Variants in ATP9B observed in about 807,000 individuals in gnomAD.
ATP9B encodes the protein probable phospholipid-transporting ATPase IIB.
A neutral mutation model predicts 146.1 loss-of-function variants in ATP9B; 110 were observed. That is an observed-to-expected ratio of 0.75 (90% CI 0.65 to 0.88). ATP9B has a LOEUF of 0.88. ATP9B is among the 40% of genes least tolerant of loss of function. The pLI is 0.00. For synonymous variants in ATP9B, 604 were observed against 569.7 expected (o/e 1.06, Z -0.86); for missense variants, 1,499 against 1,496.4 (o/e 1.00, Z -0.03).
At chr18:79,176,590 T>TA (rs909103372) in intron 7 of ATP9B, among the ~76,000 whole-genome samples, 2 of 152,180 alleles carry the variant, frequency 1.3e-5, no homozygotes, top group African/African-American at 4.8e-5. Context: ...ATAAGTGATT[T>TA]AAAAAAATAT....
At chr18:79,297,575 T>G (rs946584808) in intron 13 of ATP9B, among the ~76,000 whole-genome samples, 5 of 152,258 alleles carry the variant, frequency 3.3e-5, no homozygotes, top group Admixed American at 6.5e-5. Flanking sequence ...TGACTGTCTA[T>G]GTGGGTGTCC....
At chr18:79,143,961 A>G in intron 6 of ATP9B, 101 bp downstream of exon 6, 1 of 650,878 alleles carries the variant, frequency 1.5e-6, no homozygotes, top group Non-Finnish European at 2.5e-6. Flanking sequence ...TGAGACATGT[A>G]TTTTGAATCA....
chr18:79,345,767 C>G lies in ATP9B; in HGVS notation c.2618-8C>G, dbSNP rs2096882794. Reference sequence around the variant, plus strand: ...GTTTTATTTCATCTCACTTTTCTTGCTTCGCAGGTGATGGAGGAAATGATG... The same window carrying G: ...GTTTTATTTCATCTCACTTTTCTTGGTTCGCAGGTGATGGAGGAAATGATG... On this transcript the variant is annotated splice_region_variant and splice_polypyrimidine_tract_variant and intron_variant, in intron 22 of 29. Coordinates refer to ENST00000426216, the MANE Select transcript of ATP9B (RefSeq NM_198531.5). 5 of 1,614,218 alleles carry G rather than the reference C, an allele frequency of 3.1e-6. No homozygotes were observed. The East Asian group carries it at 1.1e-4, about 36-fold the overall frequency.
At chr18:79,192,756 T>C (rs1299870888) in intron 8 of ATP9B, among the ~76,000 whole-genome samples, 1 of 152,208 alleles carries the variant, frequency 6.6e-6, no homozygotes, top group East Asian at 1.9e-4. Flanking sequence ...AGTGCCTGCT[T>C]GAATGAAAGC....
intron 13 of ATP9B, among the ~76,000 whole-genome samples, chr18:79,298,719 G>T (rs1448449297): frequency 6.8e-6 from 1 of 146,560 alleles, no homozygotes; most frequent in African/African-American, 2.5e-5. Context: ...GTGGTATTGG[G>T]GGATTTTTCA....
At chr18:79,368,060 G>A (rs976057177) in intron 26 of ATP9B, among the ~76,000 whole-genome samples, 1 of 152,162 alleles carries the variant, frequency 6.6e-6, no homozygotes, top group African/African-American at 2.4e-5. Flanking sequence ...GTCGCCCTGG[G>A]TGGGCTGGAG....
At chr18:79,195,373 A>G (rs2095408682) in intron 9 of ATP9B, among the ~76,000 whole-genome samples, 1 of 152,148 alleles carries the variant, frequency 6.6e-6, no homozygotes, top group African/African-American at 2.4e-5. Flanking sequence ...TCAGCCTTCT[A>G]AAGGGTCGGG....
At chr18:79,158,529 G>A (rs544545884) in intron 7 of ATP9B, among the ~76,000 whole-genome samples, 4 of 152,164 alleles carry the variant, frequency 2.6e-5, no homozygotes, top group South Asian at 2.1e-4. Context: ...CTGGCCTCAC[G>A]TGATCCTCCC....
chr18:79,077,269 T>C (rs1411788030), intron 1 of ATP9B, among the ~76,000 whole-genome samples: 1 of 152,056 alleles, frequency 6.6e-6, no homozygotes, highest in Non-Finnish European at 1.5e-5. Context: ...CTGGTGGTGG[T>C]GGGAGTGGAA....
At chr18:79,109,579 T>C (rs2075868318) in intron 2 of ATP9B, among the ~76,000 whole-genome samples, 1 of 151,698 alleles carries the variant, frequency 6.6e-6, no homozygotes, top group African/African-American at 2.4e-5. Flanking sequence ...TTTTTTTTTT[T>C]TTTTAAGATG....
Position 79,111,034 on chromosome 18 carries a change from C to T in ATP9B, c.444+529C>T, listed in dbSNP as rs1046599618. Among the ~76,000 whole-genome samples, 16 of 152,004 alleles carry T rather than the reference C, an allele frequency of 1.1e-4. No individual in the cohort carries two copies. In the East Asian group the frequency reaches 1.7e-3, roughly 16 times the overall value. ...CTCAGACCTTCTTATATTGTTATATCGTTAGTTATCTTTAATTGGGTATTA... is the reference window on the plus strand; with the variant it reads ...CTCAGACCTTCTTATATTGTTATATTGTTAGTTATCTTTAATTGGGTATTA... On this transcript the variant is annotated intron_variant, in intron 3 of 29. Transcript: ENST00000426216.
chr18:79,316,768 A>G (rs1310409960), intron 15 of ATP9B, among the ~76,000 whole-genome samples: 1 of 152,244 alleles, frequency 6.6e-6, no homozygotes, highest in African/African-American at 2.4e-5. Flanking sequence ...ACCAAAGGAA[A>G]GTGGGAGGAA....
intron 17 of ATP9B, among the ~76,000 whole-genome samples, chr18:79,331,043 G>T (rs1323842577): frequency 2.6e-5 from 4 of 152,226 alleles, no homozygotes; most frequent in African/African-American, 9.6e-5. Flanking sequence ...AATAGGATTT[G>T]TAGGTAGCCT....
intron 7 of ATP9B, among the ~76,000 whole-genome samples, chr18:79,160,785 CTT>C (rs1258747182): frequency 6.6e-6 from 1 of 150,564 alleles, no homozygotes; most frequent in Admixed American, 6.6e-5. Flanking sequence ...TGTTTTTTCT[CTT>C]TTTGGAGGAG....
At chr18:79,150,527 TAGG>T (rs1232656948) in intron 6 of ATP9B, among the ~76,000 whole-genome samples, 2 of 152,248 alleles carry the variant, frequency 1.3e-5, no homozygotes, top group South Asian at 2.1e-4. Context: ...CATGTGGTGT[TAGG>T]AGAACACAGG....
At chr18:79,200,489 C>T (rs1467499756) in intron 9 of ATP9B, among the ~76,000 whole-genome samples, 4 of 152,130 alleles carry the variant, frequency 2.6e-5, no homozygotes, top group Non-Finnish European at 5.9e-5. Context: ...GATACAGGGA[C>T]TTAAGGCAGC....
intron 8 of ATP9B, among the ~76,000 whole-genome samples, chr18:79,183,259 T>A (rs974597426): frequency 6.6e-6 from 1 of 152,190 alleles, no homozygotes; most frequent in Non-Finnish European, 1.5e-5. Context: ...AAAGATATCA[T>A]TTTGAAATTC....
At chr18:79,297,151 CAGAG>C (rs1429119317) in intron 13 of ATP9B, among the ~76,000 whole-genome samples, 5 of 136,630 alleles carry the variant, frequency 3.7e-5, no homozygotes, top group Non-Finnish European at 7.7e-5. Context: ...AGAGAGGAGA[CAGAG>C]AGACGACCCA....
intron 17 of ATP9B, among the ~76,000 whole-genome samples, chr18:79,335,202 G>C (rs941621761): frequency 3.9e-5 from 6 of 152,228 alleles, no homozygotes; most frequent in African/African-American, 1.4e-4. Context: ...GCTCGTTCAA[G>C]CCTTTTAAAA....
Sources: gnomAD v4.1 joint callset for allele counts (sites outside exome capture counted in the v4.1 genomes callset) on GRCh38, gnomAD v4.1.1 for gene constraint, MANE v1.5 for transcripts, NCBI Gene and HGNC (gene_info 2026-07-23, HGNC 2026-07-21) for gene names.